The following PCDH15 variants were observed in gnomAD, a reference collection of about 807,000 sequenced individuals.
PCDH15 encodes the protein protocadherin related 15, also known as protocadherin-15.
In PCDH15, 129 loss-of-function variants were observed where a neutral mutation model predicts 178.5. The ratio of observed to expected loss-of-function variants is 0.72; its 90% confidence interval spans 0.63 to 0.84. PCDH15 has a LOEUF of 0.84. Ranked by LOEUF, PCDH15 falls within the 40% of genes least tolerant of loss-of-function variation. The probability of loss-of-function intolerance (pLI) is 0.00; values close to 1 mark genes in which losing one functional copy is unlikely to be tolerated. For synonymous variants in PCDH15, 800 were observed against 732.0 expected, an observed-to-expected ratio of 1.09 and a Z score of -1.50; for missense variants, 2,230 against 2,099.9, an observed-to-expected ratio of 1.06 and a Z score of -1.21.
At chr10:54,791,541 G>A (rs1175246527) in intron 1 of PCDH15, among the ~76,000 whole-genome samples, 1 of 151,754 alleles carries the variant, frequency 6.6e-6, no homozygotes, top group Non-Finnish European at 1.5e-5. Context: ...CTCTAAACTT[G>A]CAGGGTTATC....
chr10:54,198,826 T>C (rs2049951911), intron 10 of PCDH15, among the ~76,000 whole-genome samples: 1 of 152,156 alleles, frequency 6.6e-6, no homozygotes, highest in African/African-American at 2.4e-5. Context: ...AAAAATGCTA[T>C]GAAAAGTCAT....
chr10:54,558,088 C>T (rs902394000), intron 2 of PCDH15, among the ~76,000 whole-genome samples: 3 of 151,874 alleles, frequency 2.0e-5, no homozygotes, highest in Non-Finnish European at 4.4e-5. Flanking sequence ...ATGATCCCAC[C>T]AGAAATCTGA....
chr10:54,968,271 T>C (rs968965956), intron 2 of PCDH15, among the ~76,000 whole-genome samples: 2 of 152,148 alleles, frequency 1.3e-5, no homozygotes, highest in African/African-American at 2.4e-5. Context: ...AGTAGAAATG[T>C]TCAATGCAAA....
intron 1 of PCDH15, among the ~76,000 whole-genome samples, chr10:55,225,676 G>A (rs1027825192): frequency 2.0e-4 from 28 of 140,286 alleles, no homozygotes; most frequent in Non-Finnish European, 3.5e-4. Flanking sequence ...AGAGAGAAAC[G>A]GAGAGAGAAG....
chr10:54,398,874 T>C (rs1274325400), intron 3 of PCDH15, among the ~76,000 whole-genome samples: 3 of 152,042 alleles, frequency 2.0e-5, no homozygotes, highest in African/African-American at 7.2e-5. Context: ...GAATGGACAA[T>C]TTTTAGTGGT....
chr10:53,827,257 A>G (rs2076739656), intron 32 of PCDH15, 136 bp downstream of exon 32: 1 of 1,274,116 alleles, frequency 7.8e-7, no homozygotes, highest in Non-Finnish European at 1.0e-6. Context: ...CGTCTTAACA[A>G]ATTTTCTCTT....
intron 1 of PCDH15, among the ~76,000 whole-genome samples, chr10:54,752,498 AC>A (rs1246875023): frequency 0.048 from 4,893 of 101,740 alleles, 787 homozygotes; most frequent in African/African-American, 0.068. Flanking sequence ...AAAACAAAAA[AC>A]AAAAAACAAA....
intron 3 of PCDH15, among the ~76,000 whole-genome samples, chr10:54,521,560 AT>A (rs922633681): frequency 2.0e-5 from 3 of 152,170 alleles, no homozygotes; most frequent in South Asian, 4.1e-4. Context: ...TTTATTAATG[AT>A]TTTTTAAAAG....
At chr10:54,668,256 T>C (rs546431836) in intron 1 of PCDH15, among the ~76,000 whole-genome samples, 2 of 152,130 alleles carry the variant, frequency 1.3e-5, no homozygotes, top group South Asian at 2.1e-4. Flanking sequence ...AAAATAAAGA[T>C]AGACCAATAA....
chr10:53,913,768 C>CA (rs1029940595), intron 25 of PCDH15, among the ~76,000 whole-genome samples: 17 of 148,480 alleles, frequency 1.1e-4, no homozygotes, highest in East Asian at 5.9e-4. Flanking sequence ...AAACAAAAAA[C>CA]AAAAAAAAAC....
intron 1 of PCDH15, among the ~76,000 whole-genome samples, chr10:54,670,308 C>A (rs2094640148): frequency 6.6e-6 from 1 of 152,046 alleles, no homozygotes; most frequent in South Asian, 2.1e-4. Flanking sequence ...AAATATATTT[C>A]CCGAAACCAC....
intron 2 of PCDH15, among the ~76,000 whole-genome samples, chr10:54,545,464 A>G (rs1156811275): frequency 6.6e-6 from 1 of 151,538 alleles, no homozygotes; most frequent in Non-Finnish European, 1.5e-5. Flanking sequence ...ATTAAAAATA[A>G]TAGCCACTAT....
intron 2 of PCDH15, among the ~76,000 whole-genome samples, chr10:55,437,140 C>T (rs910354946): frequency 6.6e-6 from 1 of 152,120 alleles, no homozygotes; most frequent in African/African-American, 2.4e-5. Context: ...TTAGAAGCTA[C>T]ACACATCAAC....
At chr10:55,319,270 A>T (rs1462381263) in intron 1 of PCDH15, among the ~76,000 whole-genome samples, 2 of 152,180 alleles carry the variant, frequency 1.3e-5, no homozygotes, top group Non-Finnish European at 2.9e-5. Flanking sequence ...TGGGTACTGG[A>T]ATTATAAAAC....
At chr10:55,323,198 C>T (rs563520111), upstream of PCDH15, among the ~76,000 whole-genome samples, 3 of 152,290 alleles carry the variant, frequency 2.0e-5, no homozygotes, top group Non-Finnish European at 2.9e-5. Flanking sequence ...TTTCAGAGGA[C>T]GTACGGAAAT....
At chr10:54,084,835 C>T (rs894616414) in intron 16 of PCDH15, among the ~76,000 whole-genome samples, 1 of 152,152 alleles carries the variant, frequency 6.6e-6, no homozygotes, top group Non-Finnish European at 1.5e-5. Flanking sequence ...AACATTTACA[C>T]TTGGAGGTGT....
chr10:53,812,283 C>T (rs934985781), intron 35 of PCDH15, among the ~76,000 whole-genome samples: 1 of 152,190 alleles, frequency 6.6e-6, no homozygotes, highest in African/African-American at 2.4e-5. Flanking sequence ...TCTTGGCTCA[C>T]TACAGGCTCT....
intron 2 of PCDH15, among the ~76,000 whole-genome samples, chr10:54,592,626 A>G (rs753536120): frequency 2.6e-5 from 4 of 152,282 alleles, no homozygotes; most frequent in African/African-American, 4.8e-5. Flanking sequence ...TATCCATACC[A>G]TAGCTATTGT....
intron 13 of PCDH15, among the ~76,000 whole-genome samples, chr10:54,176,300 C>T (rs781755613): frequency 9.9e-5 from 15 of 152,082 alleles, no homozygotes; most frequent in Non-Finnish European, 7.4e-5. Flanking sequence ...TTAGCCTTAA[C>T]GCAAGCCACA....
Sources: gnomAD v4.1 joint callset for allele counts (sites outside exome capture counted in the v4.1 genomes callset) on GRCh38, gnomAD v4.1.1 for gene constraint, MANE v1.5 for transcripts, NCBI Gene and HGNC (gene_info 2026-07-23, HGNC 2026-07-21) for gene names.